ATF6: variants seen among roughly 807,000 people sequenced by gnomAD.
The protein encoded by ATF6 is cyclic AMP-dependent transcription factor ATF-6 alpha.
ATF6 carries 53 observed loss-of-function variants against 83.6 expected under a neutral mutation model. The observed-to-expected ratio is 0.63, with a 90% CI of 0.51 to 0.80. The LOEUF is 0.80. Among genes scored for constraint, ATF6 ranks in the 30% least tolerant of loss-of-function variants. ATF6 has a pLI of 0.00. For synonymous variants in ATF6, 288 were observed against 285.8 expected, an observed-to-expected ratio of 1.01 and a Z score of -0.08; for missense variants, 744 against 797.9, an observed-to-expected ratio of 0.93 and a Z score of 0.81.
In ATF6 at chr1:161,869,142, G is replaced by C. The variant is rs375994650; in HGVS notation, c.1719+5830G>C. On this transcript the variant is annotated intron_variant, in intron 14 of 15. Coordinates refer to ENST00000367942, the MANE Select transcript of ATF6 (RefSeq NM_007348.4). ...ATGTTTGCCAGAGGTTTAGTCCCACGGATGGGCATAAAAACGAATTTCAAA... is the reference window on the plus strand; with the variant it reads ...ATGTTTGCCAGAGGTTTAGTCCCACCGATGGGCATAAAAACGAATTTCAAA... 3.2e-4 allele frequency among the ~76,000 whole-genome samples: 48 copies of C among 151,978 alleles called. No homozygotes were observed. In the East Asian group the frequency reaches 9.1e-3, roughly 29 times the overall value.
chr1:161,955,695 G>A (rs1688953680), intron 15 of ATF6, among the ~76,000 whole-genome samples: 2 of 152,314 alleles, frequency 1.3e-5, no homozygotes, highest in South Asian at 2.1e-4. Context: ...TTATAGAGAT[G>A]TGGCTATGTT....
At position 161,834,567 on chromosome 1, in the gene ATF6, T is replaced by C. The variant is rs1686163125; in HGVS notation, c.1188-11882T>C. 2.9e-5 allele frequency among the ~76,000 whole-genome samples: 4 copies of C among 139,128 alleles called. No individual in the cohort carries two copies. The Admixed American group carries it at 3.3e-4, about 11-fold the overall frequency. 91.3% of individuals were successfully genotyped at this position (139,128 alleles called of 152,430 possible). A position where few individuals can be genotyped will look rare whatever the true frequency, so the allele number is the denominator to read the frequency against. ...GCATGTTCTCACTCATAGGTGGGAA[T>C]TGAACAATGAGAACACATGGACACA... On this transcript the variant is annotated intron_variant, in intron 9 of 15. Transcript: ENST00000367942.
At chr1:161,941,243 A>C (rs184089648) in intron 15 of ATF6, among the ~76,000 whole-genome samples, 798 of 152,336 alleles carry the variant, frequency 5.2e-3, no homozygotes, top group Non-Finnish European at 9.1e-3. Context: ...ATAAAGGTTA[A>C]ATTGAGCATA....
At chr1:161,834,671 T>A (rs1410169615) in intron 9 of ATF6, among the ~76,000 whole-genome samples, 1 of 150,976 alleles carries the variant, frequency 6.6e-6, no homozygotes, top group Non-Finnish European at 1.5e-5. Context: ...ATAGACCTAA[T>A]GCTAAATGAC....
intron 15 of ATF6, among the ~76,000 whole-genome samples, chr1:161,955,646 A>G (rs1169441239): frequency 6.6e-6 from 1 of 152,232 alleles, no homozygotes; most frequent in Non-Finnish European, 1.5e-5. Context: ...AATGTCTCAT[A>G]CAGTAGACCA....
chr1:161,863,303 A>T lies in ATF6; in HGVS notation c.1710A>T (p.Ser570=), dbSNP rs1247706289. Residue 570 remains serine, a synonymous_variant, in exon 14 of 16, where the codon TCA becomes TCT. Transcript: ENST00000367942. ...RRRGDTFYVV[S]FRRDHLLLPA... Reference sequence around the variant, plus strand: ...GGGGAGACACATTTTATGTTGTGTCATTTCGAAGGGTAAGTTCATCTTGAA... The same window carrying T: ...GGGGAGACACATTTTATGTTGTGTCTTTTCGAAGGGTAAGTTCATCTTGAA... 2 of 1,605,748 alleles carry T rather than the reference A, an allele frequency of 1.2e-6. No individual in the cohort carries two copies. Among genetic ancestry groups the T allele is most frequent in the Non-Finnish European group, 1.7e-6 (2 of 1,172,670 alleles).
chr1:161,950,455 A>G (rs1688839213), intron 15 of ATF6, among the ~76,000 whole-genome samples: 1 of 152,236 alleles, frequency 6.6e-6, no homozygotes, highest in Non-Finnish European at 1.5e-5. Flanking sequence ...TTTTCAGGGT[A>G]GTTATTTCAT....
intron 4 of ATF6, among the ~76,000 whole-genome samples, chr1:161,787,513 C>T (rs1030089174): frequency 7.9e-5 from 12 of 152,152 alleles, no homozygotes; most frequent in Non-Finnish European, 1.3e-4. Context: ...TGTGACTCCT[C>T]ATGCCAGGCC....
In ATF6 at chr1:161,825,443, G is replaced by C. The variant is rs546907074; in HGVS notation, c.1187+4282G>C. ...CCCTGACTTCAGTCACCAGTTGCAA[G>C]TCCCAGGTTGTGACCTGTAACTTCT... On this transcript the variant is annotated intron_variant, in intron 9 of 15. Coordinates refer to ENST00000367942, the MANE Select transcript of ATF6 (RefSeq NM_007348.4). 2.6e-5 allele frequency among the ~76,000 whole-genome samples: 4 copies of C among 152,330 alleles called. No homozygotes were observed. The East Asian group carries it at 7.7e-4, about 29-fold the overall frequency.
At chr1:161,786,041 C>T (rs1171192952) in intron 4 of ATF6, among the ~76,000 whole-genome samples, 16 of 150,802 alleles carry the variant, frequency 1.1e-4, no homozygotes, top group Admixed American at 3.3e-4. Flanking sequence ...GGCATGATCT[C>T]GGCTCACTGC....
At chr1:161,927,772 G>A (rs1430178581) in intron 15 of ATF6, among the ~76,000 whole-genome samples, 1 of 152,084 alleles carries the variant, frequency 6.6e-6, no homozygotes, top group Admixed American at 6.5e-5. Context: ...TTCAGTGTTC[G>A]ATGAAGAAAG....
Position 161,912,349 on chromosome 1 carries a change from G to C in ATF6, c.1773G>C (p.Met591Ile), listed in dbSNP as rs1280960425. 3 of 1,610,962 alleles carry C rather than the reference G, an allele frequency of 1.9e-6. No individual in the cohort carries two copies. In the African/African-American group the frequency reaches 4.0e-5, roughly 22 times the overall value. Residue 591 changes from methionine to isoleucine, a missense_variant, in exon 15 of 16, where the codon ATG (methionine) becomes ATC (isoleucine). Transcript: ENST00000367942. ...TTHNKTTRPK[M>I]SIVLPAININ... is the part of the protein sequence containing the mutation. Reference sequence around the variant, plus strand: ...ATAACAAGACCACAAGACCAAAAATGTCAATTGTGTTACCAGCAATAAACA... The same window carrying C: ...ATAACAAGACCACAAGACCAAAAATCTCAATTGTGTTACCAGCAATAAACA...
intron 9 of ATF6, among the ~76,000 whole-genome samples, chr1:161,831,063 G>A (rs1473402009): frequency 2.6e-5 from 4 of 152,002 alleles, no homozygotes; most frequent in East Asian, 1.9e-4. Flanking sequence ...ACAAAGGGCT[G>A]ATATCCAGAA....
At chr1:161,853,047 T>TA (rs1686670177) in intron 11 of ATF6, among the ~76,000 whole-genome samples, 177 bp from the exon 12 acceptor site, 1 of 152,332 alleles carries the variant, frequency 6.6e-6, no homozygotes, top group Admixed American at 6.5e-5. Context: ...CATGTCTTAT[T>TA]AAAAACAACG....
At chr1:161,842,387 C>T (rs541713804) in intron 9 of ATF6, among the ~76,000 whole-genome samples, 11 of 151,988 alleles carry the variant, frequency 7.2e-5, no homozygotes, top group African/African-American at 1.9e-4. Context: ...GAAAAGAGGT[C>T]GTTAAACAAA....
intron 14 of ATF6, among the ~76,000 whole-genome samples, chr1:161,869,270 T>G (rs960560669): frequency 6.6e-6 from 1 of 151,940 alleles, no homozygotes; most frequent in Non-Finnish European, 1.5e-5. Context: ...GAAATTTATG[T>G]TTAGTTTATA....
chr1:161,779,009 G>A (rs1684580808), intron 2 of ATF6, among the ~76,000 whole-genome samples: 1 of 152,114 alleles, frequency 6.6e-6, no homozygotes, highest in South Asian at 2.1e-4. Flanking sequence ...TTATTAACTT[G>A]AGTACAAAAT....
intron 1 of ATF6, among the ~76,000 whole-genome samples, chr1:161,769,305 A>G (rs1684334358): frequency 6.6e-6 from 1 of 152,232 alleles, no homozygotes; most frequent in African/African-American, 2.4e-5. Flanking sequence ...GATAGTACAA[A>G]GAGTCCACAT....
At chr1:161,860,417 T>A (rs1686858480) in intron 13 of ATF6, 140 bp downstream of exon 13, 3 of 239,758 alleles carry the variant, frequency 1.3e-5, no homozygotes, top group Non-Finnish European at 2.4e-5. Context: ...AAGATATATA[T>A]ATATATGTAT....
Sources: gnomAD v4.1 joint callset for allele counts (sites outside exome capture counted in the v4.1 genomes callset) on GRCh38, gnomAD v4.1.1 for gene constraint, MANE v1.5 for transcripts, NCBI Gene and HGNC (gene_info 2026-07-23, HGNC 2026-07-21) for gene names.